MCTP1: variants seen among roughly 807,000 people sequenced by gnomAD.
MCTP1 encodes multiple C2 and transmembrane domain containing 1, also known as multiple C2 and transmembrane domain-containing protein 1.
MCTP1 carries 69 observed loss-of-function variants against 120.6 expected under a neutral mutation model. The ratio of observed to expected loss-of-function variants is 0.57; its 90% CI spans 0.47 to 0.70. The LOEUF is 0.70. MCTP1 is among the 30% of genes least tolerant of loss of function. MCTP1 has a pLI of 0.00. For synonymous variants in MCTP1, 529 were observed against 493.1 expected, an observed-to-expected ratio of 1.07 and a Z score of -0.96; for missense variants, 1,203 against 1,248.8, an observed-to-expected ratio of 0.96 and a Z score of 0.55.
chr5:95,241,089 T>C (rs561327777), intron 1 of MCTP1, among the ~76,000 whole-genome samples: 2 of 152,276 alleles, frequency 1.3e-5, no homozygotes, highest in African/African-American at 4.8e-5. Flanking sequence ...TATGAAACCT[T>C]ATTGAGCACA....
At chr5:94,898,165 T>C (rs972458633) in intron 10 of MCTP1, among the ~76,000 whole-genome samples, 1 of 152,234 alleles carries the variant, frequency 6.6e-6, no homozygotes, top group African/African-American at 2.4e-5. Context: ...ATATTCAGTG[T>C]TTCAGAATTT....
At chr5:94,919,245 G>T (rs1810937563) in intron 7 of MCTP1, among the ~76,000 whole-genome samples, 1 of 152,140 alleles carries the variant, frequency 6.6e-6, no homozygotes. Flanking sequence ...TGAAGTCATA[G>T]AATCTAGCAT....
chr5:95,128,673 AG>A (rs1286066186), intron 1 of MCTP1, among the ~76,000 whole-genome samples: 2 of 152,206 alleles, frequency 1.3e-5, no homozygotes, highest in East Asian at 3.8e-4. Flanking sequence ...GGGGAAGGGG[AG>A]GAAGGATGGA....
rs1245655801 is a variant in MCTP1 at position 94,705,398 on chromosome 5, C to CA, written c.*2097dup. The CA allele has an allele frequency of 6.8e-6, 1 of 147,814 alleles. No homozygotes were observed. Among genetic ancestry groups the CA allele is most frequent in the African/African-American group, 2.6e-5 (1 of 38,588 alleles). The allele number at this position is 147,814 out of a possible 1,614,324, so 9.2% of individuals were successfully genotyped here. On this transcript the variant is annotated 3_prime_UTR_variant, in exon 23 of 23. Coordinates refer to ENST00000515393, the MANE Select transcript of MCTP1 (RefSeq NM_024717.7). ...TCCAGAGGTATTTTCATATAAGAGT[C>CA]AGAGTTTCAGGAAAAAGGTCTTATT...
chr5:95,259,181 T>C (rs1281862050), intron 1 of MCTP1, among the ~76,000 whole-genome samples: 2 of 152,138 alleles, frequency 1.3e-5, no homozygotes, highest in Non-Finnish European at 2.9e-5. Context: ...CCACAGGAAA[T>C]GGACTACCTT....
intron 1 of MCTP1, among the ~76,000 whole-genome samples, chr5:95,106,608 C>T (rs1405638816): frequency 2.0e-5 from 3 of 152,182 alleles, no homozygotes; most frequent in African/African-American, 4.8e-5. Flanking sequence ...ACTAATTTGC[C>T]TGTATTTCCA....
chr5:94,956,243 G>C (rs1822580713), intron 2 of MCTP1, among the ~76,000 whole-genome samples: 1 of 152,076 alleles, frequency 6.6e-6, no homozygotes, highest in African/African-American at 2.4e-5. Flanking sequence ...GATGACCGTG[G>C]AAAACTCCAT....
intron 19 of MCTP1, among the ~76,000 whole-genome samples, chr5:94,733,217 A>G (rs1410094524): frequency 6.6e-6 from 1 of 152,232 alleles, no homozygotes; most frequent in East Asian, 1.9e-4. Flanking sequence ...AGAATTTTCC[A>G]TTAGATGTCC....
At chr5:95,061,499 G>A (rs1161769032) in intron 1 of MCTP1, among the ~76,000 whole-genome samples, 8 of 124,096 alleles carry the variant, frequency 6.4e-5, no homozygotes, top group Admixed American at 1.0e-4. Flanking sequence ...GCAGTGGCGG[G>A]ATCTCGGCTC....
At chr5:94,722,561 G>A (rs986481806) in intron 19 of MCTP1, among the ~76,000 whole-genome samples, 1 of 152,148 alleles carries the variant, frequency 6.6e-6, no homozygotes, top group Admixed American at 6.5e-5. Flanking sequence ...CTTATGCTAC[G>A]ATAATGAACA....
chr5:94,812,034 T>C (rs1475926723), intron 17 of MCTP1, among the ~76,000 whole-genome samples: 1 of 152,206 alleles, frequency 6.6e-6, no homozygotes, highest in Admixed American at 6.6e-5. Flanking sequence ...TGATGTACAA[T>C]TCTCAAGAAA....
chr5:94,805,404 A>AAC, intron 17 of MCTP1, among the ~76,000 whole-genome samples: 2 of 152,100 alleles, frequency 1.3e-5, no homozygotes, highest in African/African-American at 4.8e-5. Context: ...ATGCAGGAGG[A>AAC]TTGCTTGAGG....
chr5:95,081,577 T>C (rs1582204894), intron 1 of MCTP1: 7 of 1,495,582 alleles, frequency 4.7e-6, no homozygotes, highest in Admixed American at 4.3e-5. Flanking sequence ...AAAGAGGCTG[T>C]TCACCTCCAA....
chr5:95,060,931 G>A, intron 1 of MCTP1, among the ~76,000 whole-genome samples: 1 of 112,768 alleles, frequency 8.9e-6, no homozygotes, highest in Non-Finnish European at 1.8e-5. Flanking sequence ...CAGAGAGCAT[G>A]CCACTCCACA....
At chr5:94,795,567 C>T (rs1225560242) in intron 18 of MCTP1, among the ~76,000 whole-genome samples, 2 of 152,204 alleles carry the variant, frequency 1.3e-5, no homozygotes, top group African/African-American at 2.4e-5. Flanking sequence ...CTCAAACCAA[C>T]AGAAGGATGA....
intron 1 of MCTP1, among the ~76,000 whole-genome samples, chr5:95,197,773 G>C (rs146613279): frequency 6.6e-6 from 1 of 152,002 alleles, no homozygotes; most frequent in Non-Finnish European, 1.5e-5. Context: ...ATATAGAGTT[G>C]TCCCTTGGTA....
At chr5:95,030,908 C>A (rs1840160805) in intron 1 of MCTP1, among the ~76,000 whole-genome samples, 3 of 151,174 alleles carry the variant, frequency 2.0e-5, no homozygotes, top group Non-Finnish European at 2.9e-5. Context: ...ATATCCAACA[C>A]AAAGAAGCCA....
At chr5:95,201,751 C>T (rs570791133) in intron 1 of MCTP1, among the ~76,000 whole-genome samples, 146 of 151,986 alleles carry the variant, frequency 9.6e-4, no homozygotes, top group Non-Finnish European at 1.2e-3. Context: ...GGGATCCATC[C>T]GCCTCGGCCT....
chr5:94,777,651 T>C (rs886497693), intron 19 of MCTP1, among the ~76,000 whole-genome samples: 1 of 151,964 alleles, frequency 6.6e-6, no homozygotes, highest in Admixed American at 6.6e-5. Flanking sequence ...AGCAGAGAAA[T>C]GATGATTCAG....
Sources: allele counts gnomAD v4.1 joint callset (sites outside exome capture counted in the v4.1 genomes callset), GRCh38; gene constraint gnomAD v4.1.1; transcripts MANE v1.5; gene names NCBI Gene and HGNC (gene_info 2026-07-23, HGNC 2026-07-21).